SLC75A1: variants seen among roughly 807,000 people sequenced by gnomAD.
The protein encoded by SLC75A1 is solute carrier family 75 member 1.
the SLC75A1 span, chr4:2,932,170 G>A: frequency 2.5e-6 from 4 of 1,595,254 alleles, no homozygotes; most frequent in Non-Finnish European, 3.4e-6. Flanking sequence ...GGATGGCATT[G>A]GAGAGCCTGC....
chr4:2,932,353 G>C, the SLC75A1 span: 1 of 1,612,488 alleles, frequency 6.2e-7, no homozygotes, highest in Non-Finnish European at 8.5e-7. Flanking sequence ...AGCCCTACCC[G>C]TTTCTCCAGG....
the SLC75A1 span, chr4:2,931,913 CCAGGCGGCG>C: frequency 6.2e-7 from 1 of 1,610,314 alleles, no homozygotes; most frequent in Admixed American, 1.7e-5. Flanking sequence ...TAGACTAGGC[CCAGGCGGCG>C]CAGGCTGCTG....
chr4:2,933,788 G>A, the SLC75A1 span: 1 of 1,593,312 alleles, frequency 6.3e-7, no homozygotes, highest in Admixed American at 1.8e-5. Flanking sequence ...AGCCCGGGCA[G>A]CAGGGGCAGC....
chr4:2,932,597 T>TA, the SLC75A1 span: 1 of 1,613,068 alleles, frequency 6.2e-7, no homozygotes, highest in Non-Finnish European at 8.5e-7. Flanking sequence ...CCTGTGCACT[T>TA]ACCATGCCTT....
chr4:2,932,340 C>A, the SLC75A1 span: 1 of 1,610,610 alleles, frequency 6.2e-7, no homozygotes, highest in Non-Finnish European at 8.5e-7. Context: ...GGTCCCAGAC[C>A]ACAGCCCTAC....
chr4:2,930,678 A>G, the SLC75A1 span: 1 of 664,956 alleles, frequency 1.5e-6, no homozygotes, highest in Non-Finnish European at 2.5e-6. Flanking sequence ...CTGAAGGAGT[A>G]AGTAAGTCTG....
chr4:2,931,779 G>A, the SLC75A1 span: 4 of 1,545,014 alleles, frequency 2.6e-6, no homozygotes, highest in South Asian at 2.3e-5. Context: ...TGAAGCAGGG[G>A]CGTTATTTCA....
the SLC75A1 span, chr4:2,932,500 C>T: frequency 3.0e-5 from 48 of 1,613,542 alleles, no homozygotes; most frequent in Non-Finnish European, 3.9e-5. Context: ...GAGAAGGCCA[C>T]CCCAATGACC....
chr4:2,930,608 G>A, the SLC75A1 span: 1 of 586,260 alleles, frequency 1.7e-6, no homozygotes, highest in Admixed American at 3.2e-5. Flanking sequence ...GAAACCTGGT[G>A]CATAGTTTAA....
the SLC75A1 span, chr4:2,933,027 C>G: frequency 7.1e-7 from 1 of 1,413,490 alleles, no homozygotes. Flanking sequence ...AGCCACCTCC[C>G]TCTCCCCACC....
the SLC75A1 span, chr4:2,931,313 G>A: frequency 4.5e-6 from 7 of 1,548,096 alleles, no homozygotes; most frequent in Middle Eastern, 1.7e-4. Flanking sequence ...TCAGCCCAGG[G>A]GAGGGTGCAT....
chr4:2,930,961 G>C, the SLC75A1 span: 3 of 1,612,882 alleles, frequency 1.9e-6, no homozygotes, highest in Admixed American at 5.0e-5. Flanking sequence ...ACACTGCGGA[G>C]AGACGGTGGC....
the SLC75A1 span, chr4:2,932,140 G>A: frequency 1.2e-6 from 2 of 1,606,862 alleles, no homozygotes; most frequent in Non-Finnish European, 1.7e-6. Context: ...GAACCCCAGG[G>A]CGATAGAGGG....
the SLC75A1 span, chr4:2,933,644 C>T: frequency 6.2e-7 from 1 of 1,613,862 alleles, no homozygotes. Context: ...CCCGCCCTGC[C>T]AGGAGCCATA....
the SLC75A1 span, chr4:2,931,707 CCCAGGGCAGGG>C: frequency 1.5e-5 from 24 of 1,581,134 alleles, no homozygotes; most frequent in Non-Finnish European, 2.0e-5. Context: ...GGCAGGGCCA[CCCAGGGCAGGG>C]CCAGGGCGAG....
At chr4:2,931,770 G>A in the SLC75A1 span, 1 of 1,547,206 alleles carries the variant, frequency 6.5e-7, no homozygotes, top group African/African-American at 1.4e-5. Flanking sequence ...TTGCTTCCCT[G>A]AAGCAGGGGC....
the SLC75A1 span, chr4:2,932,072 G>T: frequency 6.2e-7 from 1 of 1,611,018 alleles, no homozygotes. Flanking sequence ...TCCTGGCCAC[G>T]AGCGACAGCC....
the SLC75A1 span, chr4:2,933,066 G>C: frequency 8.8e-6 from 14 of 1,588,826 alleles, no homozygotes; most frequent in African/African-American, 2.7e-5. Flanking sequence ...GGCTGGGTGG[G>C]AGGAGGCTTC....
chr4:2,930,673 G>T, the SLC75A1 span: 2 of 680,896 alleles, frequency 2.9e-6, no homozygotes, highest in Admixed American at 3.0e-5. Flanking sequence ...AGTCACTGAA[G>T]GAGTAAGTAA....
Sources: gnomAD v4.1 joint callset for allele counts on GRCh38, gnomAD v4.1.1 for gene constraint, MANE v1.5 for transcripts, NCBI Gene and HGNC (gene_info 2026-07-23, HGNC 2026-07-21) for gene names.